ZNF124: variants seen among roughly 807,000 people sequenced by gnomAD.
ZNF124 encodes zinc finger protein 124, also known as zinc finger protein HZF-16.
Under a neutral mutation model 26.6 loss-of-function variants are expected in ZNF124, and 25 were observed. The observed-to-expected ratio is 0.94, with a 90% confidence interval of 0.68 to 1.31. ZNF124 has a LOEUF of 1.31. Ranked by LOEUF, ZNF124 falls within the 40% of genes most tolerant of loss-of-function variation. The pLI, the probability that ZNF124 is intolerant of heterozygous loss-of-function variation, is 0.00. For synonymous variants in ZNF124, 129 were observed against 133.3 expected (o/e 0.97, Z 0.22); for missense variants, 444 against 422.2 (o/e 1.05, Z -0.45).
chr1:247,161,649 TA>T (rs897368249), intron 1 of ZNF124, among the ~76,000 whole-genome samples: 27 of 151,008 alleles, frequency 1.8e-4, no homozygotes, highest in South Asian at 8.4e-4. Flanking sequence ...AAAACATGAT[TA>T]AAAAATGGGA....
chr1:247,166,645 G>T (rs1201414183), intron 1 of ZNF124, among the ~76,000 whole-genome samples: 1 of 152,240 alleles, frequency 6.6e-6, no homozygotes, highest in African/African-American at 2.4e-5. Context: ...GGGCACACCA[G>T]CAAGTTGGAT....
chr1:247,166,195 G>GA (rs755831625), intron 1 of ZNF124, among the ~76,000 whole-genome samples: 2 of 152,034 alleles, frequency 1.3e-5, no homozygotes, highest in Non-Finnish European at 2.9e-5. Context: ...ATAATAAAGT[G>GA]AAAACAAAAC....
intron 3 of ZNF124, among the ~76,000 whole-genome samples, chr1:247,127,620 T>C (rs1410231363): frequency 1.4e-5 from 2 of 146,826 alleles, no homozygotes; most frequent in Non-Finnish European, 3.0e-5. Context: ...TATCTATAGA[T>C]TCCAGACATT....
At chr1:247,127,561 C>G (rs1043088861) in intron 3 of ZNF124, among the ~76,000 whole-genome samples, 1 of 135,594 alleles carries the variant, frequency 7.4e-6, no homozygotes, top group Admixed American at 8.3e-5. Context: ...AGCCCGGCGC[C>G]GCGTCCTGGG....
rs1286816276 is a variant in ZNF124, at chr1:247,159,050, G to A, written c.174C>T (p.Asp58=). Residue 58 remains aspartate, a synonymous_variant, in exon 3 of 4, where the codon GAC becomes GAT. Transcript: ENST00000543802. ...NLASIGNKGE[D]QSIEDQYKNS... is the part of the protein sequence containing the mutation. ...TTTTGTACTGATCTTCAATGCTCTGGTCTTCCCCTTTGTTTCCTAAAATGT... is the reference window on the plus strand; with the variant it reads ...TTTTGTACTGATCTTCAATGCTCTGATCTTCCCCTTTGTTTCCTAAAATGT... 4 of 1,611,946 alleles carry A rather than the reference G, an allele frequency of 2.5e-6. No individual in the cohort carries two copies. Among genetic ancestry groups the A allele is most frequent in the Admixed American group, 3.4e-5 (2 of 59,430 alleles).
At chr1:247,159,565 G>A in intron 2 of ZNF124, 122 bp downstream of exon 2, 1 of 971,528 alleles carries the variant, frequency 1.0e-6, no homozygotes, top group Non-Finnish European at 1.5e-6. Flanking sequence ...TGCACACTGG[G>A]TCCATGCCTC....
At chr1:247,143,966 CAG>C (rs4009663) in intron 3 of ZNF124, among the ~76,000 whole-genome samples, 53,081 of 151,888 alleles carry the variant, frequency 0.35, 11,037 homozygotes, top group African/African-American at 0.57. Flanking sequence ...ATCCACATCA[CAG>C]AGAGAGATAG....
chr1:247,160,156 T>C (rs1192578435), intron 1 of ZNF124, among the ~76,000 whole-genome samples: 1 of 152,136 alleles, frequency 6.6e-6, no homozygotes. Context: ...CAGCTAATTT[T>C]TGTATTTTTA....
chr1:247,128,712 C>G (rs1672275260), intron 3 of ZNF124, among the ~76,000 whole-genome samples: 1 of 149,350 alleles, frequency 6.7e-6, no homozygotes, highest in Non-Finnish European at 1.5e-5. Flanking sequence ...GAAAGAATTT[C>G]TGCCCTCTGG....
Position 247,163,365 on chromosome 1 carries a change from G to C in ZNF124, c.31-3552C>G, listed in dbSNP as rs1673597361. ...CAACAACTTCAGGAGTCAATTTTTTGAAATAAGATAGATTGCTAGCTAGAC... is the reference window on the plus strand; with the variant it reads ...CAACAACTTCAGGAGTCAATTTTTTCAAATAAGATAGATTGCTAGCTAGAC... On this transcript the variant is annotated intron_variant, in intron 1 of 3. Coordinates refer to ENST00000543802, the MANE Select transcript of ZNF124 (RefSeq NM_001297568.2). Among the ~76,000 whole-genome samples the C allele has an allele frequency of 2.1e-5, 3 of 142,134 alleles. No individual in the cohort carries two copies. The Admixed American group carries it at 2.2e-4, about 10-fold the overall frequency. 93.2% of individuals were successfully genotyped at this position (142,134 alleles called of 152,430 possible).
rs1204473017 is a variant in ZNF124, at chr1:247,164,852, A to G, written c.31-5039T>C. 2.0e-5 allele frequency among the ~76,000 whole-genome samples: 3 copies of G among 152,360 alleles called. No individual in the cohort carries two copies. In the East Asian group the frequency reaches 5.8e-4, roughly 29 times the overall value. ...TGGAGGCATCATATTAACCAACTTC[A>G]AACTATACTACAAAGCTACTGTAAC... On this transcript the variant is annotated intron_variant, in intron 1 of 3. Coordinates refer to ENST00000543802, the MANE Select transcript of ZNF124 (RefSeq NM_001297568.2).
chr1:247,128,663 A>G (rs1174373338), intron 3 of ZNF124, among the ~76,000 whole-genome samples: 6 of 151,090 alleles, frequency 4.0e-5, no homozygotes, highest in African/African-American at 1.5e-4. Context: ...CTTAGAGACA[A>G]AATGCTGGTC....
chr1:247,136,116 A>G (rs1356155175), intron 3 of ZNF124, among the ~76,000 whole-genome samples: 2 of 152,216 alleles, frequency 1.3e-5, no homozygotes, highest in Admixed American at 1.3e-4. Context: ...GGAAACTGGT[A>G]TAAGACAAGG....
intron 3 of ZNF124, among the ~76,000 whole-genome samples, chr1:247,128,238 T>C (rs1244757119): frequency 1.3e-5 from 2 of 151,878 alleles, no homozygotes; most frequent in Non-Finnish European, 2.9e-5. Context: ...AATCACCTGA[T>C]CTAGTCCACT....
intron 3 of ZNF124, among the ~76,000 whole-genome samples, chr1:247,137,487 CAAAA>C (rs56926662): frequency 1.3e-4 from 11 of 81,646 alleles, no homozygotes; most frequent in East Asian, 1.0e-3. Context: ...ACTAAAAATA[CAAAA>C]AAAAAAAAAA....
chr1:247,154,612 T>G (rs1673038164), downstream of ZNF124, among the ~76,000 whole-genome samples: 1 of 152,020 alleles, frequency 6.6e-6, no homozygotes, highest in African/African-American at 2.4e-5. Flanking sequence ...CAAAAGATGC[T>G]ACAAAACTGA....
rs901334579 is a variant in ZNF124 at position 247,155,658 on chromosome 1, G to A, written c.*908C>T. Among the ~76,000 whole-genome samples the A allele has an allele frequency of 3.3e-5, 5 of 151,926 alleles. No individual in the cohort carries two copies. Among genetic ancestry groups the A allele is most frequent in the Admixed American group, 6.6e-5 (1 of 15,258 alleles). On this transcript the variant is annotated 3_prime_UTR_variant, in exon 4 of 4. Coordinates refer to ENST00000543802, the MANE Select transcript of ZNF124 (RefSeq NM_001297568.2). ...GGGCGGATCACGAGGTCAGGAGATT[G>A]AGACCATCCTGGCTAACACGGTGAA...
At chr1:247,124,501 C>G (rs914708915) in intron 3 of ZNF124, among the ~76,000 whole-genome samples, 6 of 151,752 alleles carry the variant, frequency 4.0e-5, no homozygotes, top group African/African-American at 1.5e-4. Context: ...ACGCCCGGCT[C>G]TGATTCTGTG....
intron 1 of ZNF124, among the ~76,000 whole-genome samples, chr1:247,170,757 C>T (rs187966862): frequency 0.011 from 1,531 of 141,968 alleles, 293 homozygotes; most frequent in African/African-American, 0.043. Context: ...CTGCATGCAC[C>T]GGCAATCAGA....
Sources: gnomAD v4.1 joint callset for allele counts (sites outside exome capture counted in the v4.1 genomes callset) on GRCh38, gnomAD v4.1.1 for gene constraint, MANE v1.5 for transcripts, NCBI Gene and HGNC (gene_info 2026-07-23, HGNC 2026-07-21) for gene names.